The following GRIK4 variants were observed in gnomAD, a reference collection of about 807,000 sequenced individuals.
The protein encoded by GRIK4 is glutamate receptor ionotropic, kainate 4.
In GRIK4, 40 loss-of-function variants were observed where a neutral mutation model predicts 104.9. The ratio of observed to expected loss-of-function variants is 0.38; its 90% CI spans 0.30 to 0.50. The LOEUF is 0.50. Ranked by LOEUF, GRIK4 falls within the 20% of genes least tolerant of loss-of-function variation. The pLI is 0.93. For synonymous variants in GRIK4, 485 were observed against 524.9 expected (o/e 0.92, Z 1.04); for missense variants, 1,047 against 1,308.1 (o/e 0.80, Z 3.08).
At chr11:120,537,134 G>A (rs968878434) in intron 1 of GRIK4, among the ~76,000 whole-genome samples, 3 of 152,334 alleles carry the variant, frequency 2.0e-5, no homozygotes, top group South Asian at 2.1e-4. Context: ...AGAGGACTCA[G>A]GGTAACTGAT....
At chr11:120,762,786 G>A (rs1373036817) in intron 3 of GRIK4, among the ~76,000 whole-genome samples, 1 of 152,180 alleles carries the variant, frequency 6.6e-6, no homozygotes, top group Non-Finnish European at 1.5e-5. Context: ...CAGGGATGAA[G>A]CCAACTTGAT....
At chr11:120,766,740 A>G (rs1485451824) in intron 3 of GRIK4, among the ~76,000 whole-genome samples, 1 of 151,512 alleles carries the variant, frequency 6.6e-6, no homozygotes, top group African/African-American at 2.4e-5. Flanking sequence ...CCTGGGTGAG[A>G]CGACACCCCA....
At chr11:120,535,659 G>A (rs1342827072) in intron 1 of GRIK4, among the ~76,000 whole-genome samples, 3 of 152,206 alleles carry the variant, frequency 2.0e-5, no homozygotes, top group Admixed American at 6.5e-5. Context: ...GGACTGTAGC[G>A]AGGATTAAAT....
intron 9 of GRIK4, among the ~76,000 whole-genome samples, chr11:120,867,425 G>A (rs543657747): frequency 3.9e-5 from 6 of 152,206 alleles, no homozygotes; most frequent in East Asian, 3.9e-4. Context: ...TCATGGGGAC[G>A]TTCTCTCTTT....
chr11:120,896,110 C>G (rs1362771244), intron 11 of GRIK4, among the ~76,000 whole-genome samples: 9 of 150,956 alleles, frequency 6.0e-5, no homozygotes, highest in African/African-American at 2.2e-4. Flanking sequence ...AGTATAAGAC[C>G]AGCACCTGCT....
In GRIK4 at chr11:120,792,235, C is replaced by CGT. The variant is rs557044477; in HGVS notation, c.83-10442_83-10441dup. Among the ~76,000 whole-genome samples, 359 of 149,634 alleles carry CGT rather than the reference C, an allele frequency of 2.4e-3. 6 individuals are homozygous for CGT. The South Asian group carries it at 0.026, about 11-fold the overall frequency. ...AAGGTGTGCAGGCATGCAGCAGCAC[C>CGT]GTGTGTGTGTGTGTGTGCGTGTGTG... On this transcript the variant is annotated intron_variant, in intron 3 of 20. Transcript: ENST00000527524.
intron 3 of GRIK4, among the ~76,000 whole-genome samples, chr11:120,683,476 T>TA (rs1565293127): frequency 6.6e-6 from 1 of 152,118 alleles, no homozygotes; most frequent in Non-Finnish European, 1.5e-5. Flanking sequence ...AGTATAGATG[T>TA]CAGGGAGTCA....
chr11:120,857,035 T>C (rs186611101), intron 8 of GRIK4, among the ~76,000 whole-genome samples: 33 of 152,260 alleles, frequency 2.2e-4, no homozygotes, highest in Non-Finnish European at 1.3e-4. Flanking sequence ...AAGCTCTACA[T>C]TTCTTGGCAC....
chr11:120,590,479 C>A (rs893308351), intron 1 of GRIK4, among the ~76,000 whole-genome samples: 1 of 152,370 alleles, frequency 6.6e-6, no homozygotes, highest in African/African-American at 2.4e-5. Flanking sequence ...TGCCTCCCTG[C>A]ACCCTGACAT....
intron 13 of GRIK4, among the ~76,000 whole-genome samples, chr11:120,928,250 A>T (rs1002835338): frequency 2.0e-5 from 3 of 151,076 alleles, no homozygotes; most frequent in Non-Finnish European, 4.4e-5. Flanking sequence ...CGACACGGAG[A>T]AAAATGGCAT....
At chr11:120,881,388 G>C (rs898559316) in intron 11 of GRIK4, among the ~76,000 whole-genome samples, 3 of 152,102 alleles carry the variant, frequency 2.0e-5, no homozygotes, top group African/African-American at 4.8e-5. Context: ...ACTTTCCTTA[G>C]ACCATGGATT....
At position 120,651,115 on chromosome 11, in the gene GRIK4, C is replaced by A. The variant is rs150705955; in HGVS notation, c.-158-2570C>A. Among the ~76,000 whole-genome samples, 918 of 152,182 alleles carry A rather than the reference C, an allele frequency of 6.0e-3. 5 individuals carry two copies. The highest frequency in any genetic ancestry group is 0.018 in the African/African-American group (734 of 41,504). On this transcript the variant is annotated intron_variant, in intron 1 of 20. Coordinates refer to ENST00000527524, the MANE Select transcript of GRIK4 (RefSeq NM_014619.5). ...CAGGTCAGAGGGCTGTGGATTAATA[C>A]CAGCAAGCAGGCATGGGAGGCCATC... is the stretch of plus-strand genomic sequence containing the variant.
chr11:120,726,673 T>C (rs896261574), intron 3 of GRIK4, among the ~76,000 whole-genome samples: 10 of 152,296 alleles, frequency 6.6e-5, no homozygotes, highest in African/African-American at 2.4e-4. Flanking sequence ...GGAAATTGGC[T>C]TATTTTGGCT....
intron 1 of GRIK4, among the ~76,000 whole-genome samples, chr11:120,649,445 C>T (rs573907091): frequency 1.3e-5 from 2 of 152,340 alleles, no homozygotes; most frequent in South Asian, 4.1e-4. Flanking sequence ...GGCCAAGGGA[C>T]AGGAGCTCTG....
At chr11:120,702,358 C>T (rs1448271057) in intron 3 of GRIK4, among the ~76,000 whole-genome samples, 1 of 152,176 alleles carries the variant, frequency 6.6e-6, no homozygotes, top group African/African-American at 2.4e-5. Flanking sequence ...TGAGCCGAAT[C>T]TTGGTATGCC....
intron 8 of GRIK4, among the ~76,000 whole-genome samples, chr11:120,839,052 G>C (rs529622869): frequency 6.6e-6 from 1 of 152,288 alleles, no homozygotes; most frequent in African/African-American, 2.4e-5. Context: ...CTCCAAAAAA[G>C]GCTGGGATTA....
At chr11:120,680,835 CA>C (rs886681723) in intron 3 of GRIK4, among the ~76,000 whole-genome samples, 24 of 152,312 alleles carry the variant, frequency 1.6e-4, no homozygotes, top group African/African-American at 5.5e-4. Flanking sequence ...TGGCCAATAC[CA>C]AAGTAGGATT....
At position 120,879,243 on chromosome 11, in the gene GRIK4, C is replaced by T. The variant is rs533369644; in HGVS notation, c.1164+4000C>T. Among the ~76,000 whole-genome samples the T allele has an allele frequency of 5.3e-5, 8 of 152,302 alleles. 1 individual carries two copies. In the South Asian group the frequency reaches 1.7e-3, roughly 32 times the overall value. ...GGAATCCCTAAAACCCCAAATCAAA[C>T]CCCTTCAGCCAGGTCTGTTGGTCTG... is the stretch of plus-strand genomic sequence containing the variant. On this transcript the variant is annotated intron_variant, in intron 11 of 20. Transcript: ENST00000527524.
At chr11:120,726,387 G>A (rs1951028121) in intron 3 of GRIK4, among the ~76,000 whole-genome samples, 1 of 152,230 alleles carries the variant, frequency 6.6e-6, no homozygotes, top group Non-Finnish European at 1.5e-5. Context: ...GACCAGTCAG[G>A]AAGCTCATGC....
Sources: allele counts gnomAD v4.1 joint callset (sites outside exome capture counted in the v4.1 genomes callset), GRCh38; gene constraint gnomAD v4.1.1; transcripts MANE v1.5; gene names NCBI Gene and HGNC (gene_info 2026-07-23, HGNC 2026-07-21).